The following AKAP6 variants were observed in gnomAD, a reference collection of about 807,000 sequenced individuals.
AKAP6 encodes A-kinase anchoring protein 6, also known as A-kinase anchor protein 6.
A neutral mutation model predicts 188.5 loss-of-function variants in AKAP6; 58 were observed. The ratio of observed to expected loss-of-function variants is 0.31; its 90% confidence interval spans 0.25 to 0.38. The LOEUF (loss-of-function observed/expected upper bound fraction) is 0.38, where lower values mean the gene tolerates loss of function less well. AKAP6 is among the 10% of genes least tolerant of loss of function. The pLI is 1.00. For synonymous variants in AKAP6, 989 were observed against 998.6 expected, an observed-to-expected ratio of 0.99 and a Z score of 0.18; for missense variants, 2,710 against 2,740.0, an observed-to-expected ratio of 0.99 and a Z score of 0.24.
intron 11 of AKAP6, among the ~76,000 whole-genome samples, chr14:32,766,011 C>T (rs1035255480): frequency 2.0e-5 from 3 of 152,154 alleles, no homozygotes; most frequent in East Asian, 1.9e-4. Flanking sequence ...CCCATTAGCT[C>T]GCTTTTTGCC....
intron 12 of AKAP6, among the ~76,000 whole-genome samples, chr14:32,799,544 T>A (rs1168917632): frequency 6.6e-6 from 1 of 152,202 alleles, no homozygotes; most frequent in African/African-American, 2.4e-5. Flanking sequence ...TATTTTAAAT[T>A]TTTTATTGAG....
intron 2 of AKAP6, among the ~76,000 whole-genome samples, chr14:32,510,268 A>C (rs1385287376): frequency 6.6e-6 from 1 of 151,534 alleles, no homozygotes; most frequent in African/African-American, 2.4e-5. Context: ...CATATGCCAA[A>C]GAACAAACAG....
intron 1 of AKAP6, among the ~76,000 whole-genome samples, chr14:32,429,111 AC>A (rs1890133368): frequency 6.6e-6 from 1 of 152,184 alleles, no homozygotes; most frequent in Non-Finnish European, 1.5e-5. Context: ...CTCCTTTCAC[AC>A]CGTCTTGGAG....
intron 12 of AKAP6, among the ~76,000 whole-genome samples, chr14:32,794,387 T>C (rs1241762647): frequency 6.6e-6 from 1 of 152,032 alleles, no homozygotes; most frequent in African/African-American, 2.4e-5. Flanking sequence ...TGGTGAAAAC[T>C]CATCTCTACT....
rs896675629 is a variant in AKAP6 at position 32,433,661 on chromosome 14, C to T, written c.168C>T (p.Pro56=). ...MDSDQQYEKP[P]PLHTGADWKI... is the part of the protein sequence containing the mutation. ...CTGACCAGCAGTATGAAAAGCCACCCCCACTACACACAGGGGCTGACTGGA... is the reference window on the plus strand; with the variant it reads ...CTGACCAGCAGTATGAAAAGCCACCTCCACTACACACAGGGGCTGACTGGA... The change falls in exon 2 of 14, where the codon CCC becomes CCT. Residue 56 remains proline (P), a synonymous_variant. Coordinates refer to ENST00000280979, the MANE Select transcript of AKAP6 (RefSeq NM_004274.5). 1 of 1,613,954 alleles carries T rather than the reference C, an allele frequency of 6.2e-7. No homozygotes were observed. The highest frequency in any genetic ancestry group is 8.5e-7 in the Non-Finnish European group (1 of 1,180,006).
At chr14:32,758,491 T>C (rs906713372) in intron 11 of AKAP6, among the ~76,000 whole-genome samples, 2 of 152,212 alleles carry the variant, frequency 1.3e-5, no homozygotes, top group East Asian at 1.9e-4. Flanking sequence ...CCCAGCACTT[T>C]GGGAGGCCGA....
chr14:32,431,203 T>G (rs1890211386), intron 1 of AKAP6, among the ~76,000 whole-genome samples: 1 of 152,202 alleles, frequency 6.6e-6, no homozygotes, highest in Non-Finnish European at 1.5e-5. Flanking sequence ...GTTTTATCCC[T>G]CTCAGTGAAA....
chr14:32,543,409 G>T (rs1289397385), intron 3 of AKAP6, among the ~76,000 whole-genome samples: 1 of 152,166 alleles, frequency 6.6e-6, no homozygotes, highest in Non-Finnish European at 1.5e-5. Context: ...GTATTCCATT[G>T]TGGATATATG....
intron 2 of AKAP6, among the ~76,000 whole-genome samples, chr14:32,445,726 A>C (rs574783320): frequency 1.3e-5 from 2 of 152,228 alleles, no homozygotes; most frequent in South Asian, 4.1e-4. Flanking sequence ...AATCATAGAC[A>C]CAGCATTCAA....
chr14:32,724,675 C>T (rs746605005), intron 9 of AKAP6, among the ~76,000 whole-genome samples: 4 of 152,048 alleles, frequency 2.6e-5, no homozygotes, highest in Admixed American at 6.5e-5. Flanking sequence ...CCTACTAAGC[C>T]GATCACTTCA....
In AKAP6 at chr14:32,832,400, CAAT is replaced by C. The variant is rs1265394099; in HGVS notation, c.*2596_*2598del. The C allele has an allele frequency of 2.0e-5, 3 of 152,168 alleles. No homozygotes were observed. Among genetic ancestry groups the C allele is most frequent in the Admixed American group, 2.0e-4 (3 of 15,270 alleles). The allele number at this position is 152,168 out of a possible 1,614,324, so 9.4% of individuals were successfully genotyped here. ...GTAAAACATTCAAAGAACAAACTGACAATGATGTTCTACCTACTTGTTACATGC... is the reference window on the plus strand; with the variant it reads ...GTAAAACATTCAAAGAACAAACTGACGATGTTCTACCTACTTGTTACATGC... On this transcript the variant is annotated 3_prime_UTR_variant, in exon 14 of 14. Transcript: ENST00000280979.
At chr14:32,656,200 A>G (rs1888447006) in intron 7 of AKAP6, among the ~76,000 whole-genome samples, 1 of 152,118 alleles carries the variant, frequency 6.6e-6, no homozygotes, top group South Asian at 2.1e-4. Flanking sequence ...ATAAAGATAT[A>G]TTAAACATAA....
At chr14:32,588,351 A>T (rs1885341505) in intron 5 of AKAP6, among the ~76,000 whole-genome samples, 1 of 152,192 alleles carries the variant, frequency 6.6e-6, no homozygotes. Context: ...TGGGCATTCA[A>T]ACTGCCTTCT....
intron 2 of AKAP6, among the ~76,000 whole-genome samples, chr14:32,457,489 A>C (rs116990154): frequency 0.037 from 5,617 of 152,262 alleles, 122 homozygotes; most frequent in East Asian, 0.098. Context: ...CTCTCCCATC[A>C]TACCCAGTAA....
intron 1 of AKAP6, among the ~76,000 whole-genome samples, chr14:32,426,092 T>C (rs1452012497): frequency 6.6e-6 from 1 of 152,212 alleles, no homozygotes; most frequent in African/African-American, 2.4e-5. Flanking sequence ...GCACCATTTA[T>C]TAAGTAGGGA....
intron 2 of AKAP6, among the ~76,000 whole-genome samples, chr14:32,529,830 GT>G (rs139495120): frequency 0.014 from 2,082 of 152,106 alleles, 53 homozygotes; most frequent in African/African-American, 0.048. Flanking sequence ...TTACTTGTGA[GT>G]TTTATTGCAA....
chr14:32,508,726 T>C (rs1230386779), intron 2 of AKAP6, among the ~76,000 whole-genome samples: 1 of 152,216 alleles, frequency 6.6e-6, no homozygotes, highest in Non-Finnish European at 1.5e-5. Context: ...AAAACACAAA[T>C]ATAGAATATG....
At chr14:32,619,007 T>G (rs1158643689) in intron 7 of AKAP6, among the ~76,000 whole-genome samples, 1 of 152,168 alleles carries the variant, frequency 6.6e-6, no homozygotes, top group Non-Finnish European at 1.5e-5. Context: ...TTCATATTAT[T>G]TACCTACTTT....
At chr14:32,770,852 G>T (rs1159572336) in intron 11 of AKAP6, among the ~76,000 whole-genome samples, 1 of 152,226 alleles carries the variant, frequency 6.6e-6, no homozygotes, top group Admixed American at 6.5e-5. Context: ...CTTCATTCCT[G>T]AAACGGTGCC....
Sources: allele counts gnomAD v4.1 joint callset (sites outside exome capture counted in the v4.1 genomes callset), GRCh38; gene constraint gnomAD v4.1.1; transcripts MANE v1.5; gene names NCBI Gene and HGNC (gene_info 2026-07-23, HGNC 2026-07-21).